LRFN2: variants seen among roughly 807,000 people sequenced by gnomAD.
The protein encoded by LRFN2 is leucine rich repeat and fibronectin type III domain containing 2, also known as leucine-rich repeat and fibronectin type-III domain-containing protein 2.
Under a neutral mutation model 37.3 loss-of-function variants are expected in LRFN2, and 18 were observed. That is an observed-to-expected ratio of 0.48 (90% CI 0.33 to 0.72). The LOEUF is 0.72. Among genes scored for constraint, LRFN2 ranks in the 30% least tolerant of loss-of-function variants. The pLI, the probability that LRFN2 is intolerant of heterozygous loss-of-function variation, is 0.02. For missense variants in LRFN2, 1,006 were observed against 1,060.7 expected, an observed-to-expected ratio of 0.95 and a Z score of 0.72; for synonymous variants, 556 against 466.6, an observed-to-expected ratio of 1.19 and a Z score of -2.47.
At chr6:40,567,308 C>T (rs1473300944) in intron 1 of LRFN2, among the ~76,000 whole-genome samples, 1 of 152,172 alleles carries the variant, frequency 6.6e-6, no homozygotes, top group Non-Finnish European at 1.5e-5. Context: ...TAGTTTTCCT[C>T]CAAAGCTGGG....
In LRFN2 at chr6:40,443,848, T is replaced by C. The variant is rs574129838; in HGVS notation, c.-18-10717A>G. ...GCTACTCAGCCTTCCACCCCTAGCC[T>C]AAAGGGACAAAGGTAGAGGGCAGTT... On this transcript the variant is annotated intron_variant, in intron 1 of 2. Coordinates refer to ENST00000338305, the MANE Select transcript of LRFN2 (RefSeq NM_020737.3). Among the ~76,000 whole-genome samples, 7 of 152,186 alleles carry C rather than the reference T, an allele frequency of 4.6e-5. No homozygotes were observed. In the East Asian group the frequency reaches 1.2e-3, roughly 25 times the overall value.
At chr6:40,545,186 A>T (rs930252857) in intron 1 of LRFN2, among the ~76,000 whole-genome samples, 2 of 152,246 alleles carry the variant, frequency 1.3e-5, no homozygotes, top group Admixed American at 6.5e-5. Flanking sequence ...TAATGGTATT[A>T]TATTTTCTCC....
At chr6:40,578,097 A>C (rs892496266) in intron 1 of LRFN2, among the ~76,000 whole-genome samples, 1 of 152,108 alleles carries the variant, frequency 6.6e-6, no homozygotes, top group Non-Finnish European at 1.5e-5. Flanking sequence ...TCCCCATCCC[A>C]AGGCATTCAT....
In LRFN2 at chr6:40,539,255, T is replaced by C. The variant is rs1468025113; in HGVS notation, c.-19+47686A>G. Among the ~76,000 whole-genome samples, 3 of 152,176 alleles carry C rather than the reference T, an allele frequency of 2.0e-5. 1 individual carries two copies. Among genetic ancestry groups the C allele is most frequent in the Middle Eastern group, 6.3e-3 (2 of 316 alleles). Reference sequence around the variant, plus strand: ...TCCTAAACAGAGCCTTGAAGTGACCTTCCCTTTTGGGGGGTCACTGACCCC... The same window carrying C: ...TCCTAAACAGAGCCTTGAAGTGACCCTCCCTTTTGGGGGGTCACTGACCCC... On this transcript the variant is annotated intron_variant, in intron 1 of 2. Coordinates refer to ENST00000338305, the MANE Select transcript of LRFN2 (RefSeq NM_020737.3).
chr6:40,417,858 G>A (rs1334912330), intron 2 of LRFN2, among the ~76,000 whole-genome samples: 1 of 152,178 alleles, frequency 6.6e-6, no homozygotes, highest in African/African-American at 2.4e-5. Flanking sequence ...TTTTATGGAT[G>A]TGAACATTCA....
chr6:40,438,689 T>C (rs1187331244), intron 1 of LRFN2, among the ~76,000 whole-genome samples: 2 of 152,130 alleles, frequency 1.3e-5, no homozygotes, highest in Non-Finnish European at 2.9e-5. Context: ...GTGAACCAGC[T>C]GTTTGGCTAC....
intron 1 of LRFN2, among the ~76,000 whole-genome samples, chr6:40,509,644 C>A (rs1414932666): frequency 6.6e-6 from 1 of 151,304 alleles, no homozygotes; most frequent in Non-Finnish European, 1.5e-5. Context: ...TGCGGGTATG[C>A]CAGGGAACAC....
At chr6:40,564,989 T>C (rs1037818408) in intron 1 of LRFN2, among the ~76,000 whole-genome samples, 2 of 152,044 alleles carry the variant, frequency 1.3e-5, no homozygotes, top group African/African-American at 4.8e-5. Flanking sequence ...AGACAAAGAC[T>C]CAGAAACACA....
chr6:40,429,890 G>A (rs553035563), intron 2 of LRFN2, among the ~76,000 whole-genome samples: 1 of 152,154 alleles, frequency 6.6e-6, no homozygotes, highest in South Asian at 2.1e-4. Flanking sequence ...TGAGTGGGAA[G>A]AATTAAGATA....
intron 1 of LRFN2, among the ~76,000 whole-genome samples, chr6:40,485,863 G>T (rs544441744): frequency 6.6e-6 from 1 of 152,304 alleles, no homozygotes; most frequent in South Asian, 2.1e-4. Flanking sequence ...TTGGGAGGTG[G>T]ACTTTGAAAA....
At chr6:40,480,996 C>T (rs1293770715) in intron 1 of LRFN2, among the ~76,000 whole-genome samples, 1 of 152,174 alleles carries the variant, frequency 6.6e-6, no homozygotes, top group Non-Finnish European at 1.5e-5. Context: ...TAAACATCCA[C>T]AGAGAATCTC....
At position 40,510,412 on chromosome 6, in the gene LRFN2, G is replaced by C. The variant is rs573826634; in HGVS notation, c.-19+76529C>G. 3.3e-5 allele frequency among the ~76,000 whole-genome samples: 5 copies of C among 152,298 alleles called. No individual in the cohort carries two copies. The South Asian group carries it at 1.0e-3, about 32-fold the overall frequency. On this transcript the variant is annotated intron_variant, in intron 1 of 2. Transcript: ENST00000338305. ...CTCCCTGGTCATCTGAAGTCCCCCT[G>C]TCTTTTTCCTGGTTCATGAACCTCA... is the stretch of plus-strand genomic sequence containing the variant.
intron 2 of LRFN2, among the ~76,000 whole-genome samples, chr6:40,402,938 G>A (rs999603949): frequency 2.6e-5 from 4 of 152,198 alleles, no homozygotes; most frequent in African/African-American, 9.6e-5. Context: ...TTTCCAGGCA[G>A]GAAGGAGGTG....
chr6:40,535,926 C>A, intron 1 of LRFN2, among the ~76,000 whole-genome samples: 1 of 152,048 alleles, frequency 6.6e-6, no homozygotes, highest in East Asian at 1.9e-4. Flanking sequence ...AAGGAGGTCA[C>A]CTGGTATTGC....
intron 2 of LRFN2, among the ~76,000 whole-genome samples, chr6:40,427,251 G>A (rs1354628582): frequency 6.6e-6 from 1 of 152,220 alleles, no homozygotes; most frequent in Non-Finnish European, 1.5e-5. Context: ...AAGGCTTTCT[G>A]GCATATTTAC....
chr6:40,489,188 C>T (rs1306532964), intron 1 of LRFN2, among the ~76,000 whole-genome samples: 1 of 152,176 alleles, frequency 6.6e-6, no homozygotes, highest in East Asian at 1.9e-4. Flanking sequence ...TGCATCCCTG[C>T]TGTTGCTTTA....
chr6:40,495,040 G>A (rs1765193155), intron 1 of LRFN2, among the ~76,000 whole-genome samples: 1 of 152,196 alleles, frequency 6.6e-6, no homozygotes, highest in Non-Finnish European at 1.5e-5. Context: ...CTGGCATCTA[G>A]AGCCCTCTAG....
In LRFN2 at chr6:40,474,041, G is replaced by T. The variant is rs560037466; in HGVS notation, c.-18-40910C>A. Among the ~76,000 whole-genome samples the T allele has an allele frequency of 1.8e-4, 27 of 152,260 alleles. No individual in the cohort carries two copies. In the South Asian group the frequency reaches 4.8e-3, roughly 27 times the overall value. On this transcript the variant is annotated intron_variant, in intron 1 of 2. Transcript: ENST00000338305. ...CACAGTCATGCAAAATGGTCTTAGGGTCGTTGTTTTTTTAGATGTGGGGCT... is the reference window on the plus strand; with the variant it reads ...CACAGTCATGCAAAATGGTCTTAGGTTCGTTGTTTTTTTAGATGTGGGGCT...
chr6:40,563,565 G>C (rs1561909208), intron 1 of LRFN2, among the ~76,000 whole-genome samples: 1 of 152,142 alleles, frequency 6.6e-6, no homozygotes, highest in African/African-American at 2.4e-5. Flanking sequence ...TAGTGACTAA[G>C]CTGGGATTCA....
Sources: gnomAD v4.1 joint callset for allele counts (sites outside exome capture counted in the v4.1 genomes callset) on GRCh38, gnomAD v4.1.1 for gene constraint, MANE v1.5 for transcripts, NCBI Gene and HGNC (gene_info 2026-07-23, HGNC 2026-07-21) for gene names.